The following REPS2 variants were observed in gnomAD, a reference collection of about 807,000 sequenced individuals.
The protein encoded by REPS2 is ralBP1-associated Eps domain-containing protein 2.
REPS2 carries 23 observed loss-of-function variants against 53.6 expected under a neutral mutation model. The observed-to-expected ratio is 0.43, with a 90% confidence interval of 0.31 to 0.61. The LOEUF (loss-of-function observed/expected upper bound fraction) is 0.61. REPS2 is among the 20% of genes least tolerant of loss of function. REPS2 has a pLI of 0.11. For missense variants in REPS2, 446 were observed against 534.9 expected (o/e 0.83, Z 1.64); for synonymous variants, 238 against 218.6 (o/e 1.09, Z -0.78).
chrX:16,952,185 A>T (rs2060522709), intron 1 of REPS2, among the ~76,000 whole-genome samples: 1 of 111,083 alleles, frequency 9.0e-6, no homozygotes, highest in African/African-American at 3.3e-5. Context: ...CCATCAACCC[A>T]TCATCTACAT....
chrX:17,183,946 T>A, the REPS2 span, among the ~76,000 whole-genome samples: 5 of 111,925 alleles, frequency 4.5e-5, no homozygotes, highest in Non-Finnish European at 9.4e-5. Context: ...CATTTGGATC[T>A]CTGCAAACAG....
intron 1 of REPS2, among the ~76,000 whole-genome samples, chrX:16,984,206 T>C (rs1250006649): frequency 8.9e-6 from 1 of 111,969 alleles, no homozygotes; most frequent in African/African-American, 3.2e-5. Context: ...GAAGACCTGA[T>C]TGGAGCAGGA....
intron 13 of REPS2, chrX:17,099,993 G>A: frequency 8.7e-7 from 1 of 1,155,925 alleles, no homozygotes; most frequent in Non-Finnish European, 1.2e-6. Context: ...AAAGCCTCGT[G>A]GCTTTTCTGA....
intron 3 of REPS2, among the ~76,000 whole-genome samples, chrX:17,022,661 T>C (rs1415067156): frequency 8.9e-6 from 1 of 112,316 alleles, no homozygotes; most frequent in East Asian, 2.8e-4. Flanking sequence ...TAAATGTGTT[T>C]GGAGAATGCT....
At chrX:17,187,746 C>T in the REPS2 span, among the ~76,000 whole-genome samples, 19 of 112,225 alleles carry the variant, frequency 1.7e-4, no homozygotes, top group East Asian at 4.8e-3. Context: ...TTCAGCAGGG[C>T]TTCCAGCCTT....
At chrX:16,985,830 T>C (rs889625365) in intron 1 of REPS2, among the ~76,000 whole-genome samples, 1 of 111,553 alleles carries the variant, frequency 9.0e-6, no homozygotes, top group Non-Finnish European at 1.9e-5. Context: ...TAATAGAGGT[T>C]ATAATGAAAA....
intron 1 of REPS2, chrX:16,978,587 G>A: frequency 1.3e-6 from 1 of 751,136 alleles, no homozygotes; most frequent in Non-Finnish European, 1.6e-6. Flanking sequence ...TTGCTGGCAT[G>A]CAGAAGTGGT....
At chrX:17,121,354 C>T (rs751438049) in intron 14 of REPS2, among the ~76,000 whole-genome samples, 29 of 112,184 alleles carry the variant, frequency 2.6e-4, no homozygotes, top group Non-Finnish European at 3.6e-4. Context: ...AATTTGCAGC[C>T]GTTGTTGCTG....
chrX:17,061,858 A>G (rs1332777025), intron 8 of REPS2, among the ~76,000 whole-genome samples: 1 of 112,336 alleles, frequency 8.9e-6, no homozygotes, highest in East Asian at 2.8e-4. Context: ...AGAAACCCTT[A>G]ATGTGATTCT....
intron 5 of REPS2, among the ~76,000 whole-genome samples, chrX:17,040,459 CTT>C (rs1358782310): frequency 8.9e-6 from 1 of 112,084 alleles, no homozygotes; most frequent in East Asian, 2.8e-4. Flanking sequence ...GTGTTAGTGA[CTT>C]TTCCAGGCAT....
chrX:17,011,644 A>G (rs1420066222), intron 2 of REPS2, among the ~76,000 whole-genome samples: 1 of 112,542 alleles, frequency 8.9e-6, no homozygotes, highest in Admixed American at 9.4e-5. Context: ...GGCCTGGCAC[A>G]GTTTCTCATG....
intron 1 of REPS2, among the ~76,000 whole-genome samples, chrX:16,974,835 A>G (rs1216402300): frequency 9.1e-6 from 1 of 110,444 alleles, no homozygotes; most frequent in African/African-American, 3.3e-5. Flanking sequence ...CCTAGTATGC[A>G]GTAGTTTTTT....
At chrX:17,011,070 TG>T (rs2061423374) in intron 2 of REPS2, among the ~76,000 whole-genome samples, 1 of 8,391 alleles carries the variant, frequency 1.2e-4, no homozygotes. Context: ...TGTGTGTGTG[TG>T]TGTGTGTGTG....
At chrX:17,157,258 A>G (rs1439225833), downstream of REPS2, among the ~76,000 whole-genome samples, 22 of 111,400 alleles carry the variant, frequency 2.0e-4, no homozygotes, top group Non-Finnish European at 1.1e-4. Flanking sequence ...TTGTGATGCA[A>G]GTTGTCCTCT....
chrX:16,989,229 G>C (rs1039181802), intron 1 of REPS2, among the ~76,000 whole-genome samples: 1 of 88,073 alleles, frequency 1.1e-5, no homozygotes, highest in African/African-American at 4.3e-5. Context: ...AATGGTGCTA[G>C]GTCAATTAAA....
At chrX:16,974,211 A>G (rs2060927896) in intron 1 of REPS2, among the ~76,000 whole-genome samples, 1 of 112,004 alleles carries the variant, frequency 8.9e-6, no homozygotes, top group African/African-American at 3.2e-5. Context: ...TACAGTATCA[A>G]GTCCAGGATC....
intron 1 of REPS2, among the ~76,000 whole-genome samples, chrX:16,965,820 A>T: frequency 8.9e-6 from 1 of 112,770 alleles, no homozygotes; most frequent in East Asian, 2.8e-4. Flanking sequence ...CCTGGGCACC[A>T]TTGAGCACTG....
At chrX:16,968,817 C>T (rs1256442403) in intron 1 of REPS2, among the ~76,000 whole-genome samples, 8 of 101,963 alleles carry the variant, frequency 7.8e-5, no homozygotes, top group Admixed American at 2.0e-4. Context: ...GCTGGCCGGG[C>T]GGGGGGCTGA....
rs1409253472 is a variant in REPS2 at position 17,083,519 on chromosome X, G to GCCCT, written c.1516+6113_1516+6114insCCTC. Among the ~76,000 whole-genome samples, 3 of 111,898 alleles carry GCCCT rather than the reference G, an allele frequency of 2.7e-5. No homozygotes were observed. The East Asian group carries it at 8.4e-4, about 31-fold the overall frequency. Reference sequence around the variant, plus strand: ...AGTTGGGTAAAACGTCATGGTAAGGGCTCTGTCTTAACTTGGAAGTGGCTG... The same window carrying GCCCT: ...AGTTGGGTAAAACGTCATGGTAAGGGCCCTCTCTGTCTTAACTTGGAAGTGGCTG... On this transcript the variant is annotated intron_variant, in intron 13 of 17. Transcript: ENST00000357277.
Sources: allele counts gnomAD v4.1 joint callset (sites outside exome capture counted in the v4.1 genomes callset), GRCh38; gene constraint gnomAD v4.1.1; transcripts MANE v1.5; gene names NCBI Gene and HGNC (gene_info 2026-07-23, HGNC 2026-07-21).